The following CALN1 variants were observed in gnomAD, a reference collection of about 807,000 sequenced individuals.
The protein encoded by CALN1 is calcium-binding protein 8.
In CALN1, 17 loss-of-function variants were observed where a neutral mutation model predicts 30.6. The observed-to-expected ratio is 0.56, with a 90% CI of 0.38 to 0.83. The LOEUF (loss-of-function observed/expected upper bound fraction) is 0.83. Ranked by LOEUF, CALN1 falls within the 40% of genes least tolerant of loss-of-function variation. The probability of loss-of-function intolerance (pLI) is 0.00; values close to 1 mark genes in which losing one functional copy is unlikely to be tolerated. For synonymous variants in CALN1, 156 were observed against 131.4 expected (o/e 1.19, Z -1.28); for missense variants, 291 against 354.9 (o/e 0.82, Z 1.45).
intron 2 of CALN1, among the ~76,000 whole-genome samples, chr7:72,369,121 C>T (rs924639070): frequency 1.4e-4 from 21 of 151,348 alleles, no homozygotes; most frequent in African/African-American, 4.1e-4. Flanking sequence ...AGCCTGAAAA[C>T]TCATTTTAAA....
rs371259228 is a variant in CALN1, at chr7:72,187,413, G to A, written c.245-81119C>T. 4.6e-5 allele frequency among the ~76,000 whole-genome samples: 7 copies of A among 152,238 alleles called. No individual in the cohort carries two copies. The South Asian group carries it at 1.0e-3, about 23-fold the overall frequency. ...ACAGGTCCACAGCCTGTTAGGAACC[G>A]GGCCACACAGCAGGAGGTGAGGGAA... On this transcript the variant is annotated intron_variant, in intron 3 of 6. Transcript: ENST00000395275.
intron 5 of CALN1, among the ~76,000 whole-genome samples, chr7:71,828,908 C>A (rs964710614): frequency 2.6e-5 from 4 of 151,682 alleles, no homozygotes; most frequent in African/African-American, 9.7e-5. Context: ...ACCACCACAC[C>A]CAGCTAATTT....
chr7:72,429,116 T>G (rs1807892470), intron 1 of CALN1, among the ~76,000 whole-genome samples: 1 of 152,130 alleles, frequency 6.6e-6, no homozygotes, highest in South Asian at 2.1e-4. Flanking sequence ...ATTCATGAAG[T>G]CCAGGGTAGA....
chr7:71,913,889 C>T (rs1794555382), intron 5 of CALN1: 2 of 152,178 alleles, frequency 1.3e-5, no homozygotes, highest in Middle Eastern at 3.2e-3. Flanking sequence ...ATTATCCATT[C>T]GAGCTTCATC....
intron 5 of CALN1, among the ~76,000 whole-genome samples, chr7:71,973,048 A>G (rs1797926485): frequency 6.6e-6 from 1 of 152,212 alleles, no homozygotes; most frequent in Non-Finnish European, 1.5e-5. Context: ...TTTGAGGGCA[A>G]ACGCTGATCT....
intron 4 of CALN1, among the ~76,000 whole-genome samples, chr7:72,076,901 CTTTTA>C (rs1329630364): frequency 7.9e-5 from 12 of 151,910 alleles, no homozygotes; most frequent in African/African-American, 2.7e-4. Flanking sequence ...CTTTCTCTCT[CTTTTA>C]TTTATTTGTT....
At chr7:71,804,537 C>A (rs2116109851) in intron 6 of CALN1, among the ~76,000 whole-genome samples, 1 of 152,250 alleles carries the variant, frequency 6.6e-6, no homozygotes, top group Admixed American at 6.5e-5. Context: ...TAAATAAACT[C>A]ACTGGGTGCC....
the CALN1 span, among the ~76,000 whole-genome samples, chr7:72,473,496 G>A: frequency 1.3e-5 from 2 of 152,092 alleles, no homozygotes; most frequent in African/African-American, 4.8e-5. Flanking sequence ...CACCATCGAA[G>A]TATAATTTTC....
the CALN1 span, among the ~76,000 whole-genome samples, chr7:72,485,078 T>C: frequency 1.7e-3 from 252 of 151,922 alleles, 1 homozygote; most frequent in African/African-American, 5.6e-3. Context: ...CAGTCTCTAC[T>C]AAAAATACAA....
intron 1 of CALN1, among the ~76,000 whole-genome samples, chr7:72,421,672 C>T (rs530016246): frequency 1.6e-4 from 24 of 148,852 alleles, no homozygotes; most frequent in Middle Eastern, 3.5e-3. Flanking sequence ...CTACAACCTC[C>T]GCCTCACAGG....
At chr7:71,938,529 G>T (rs565423079) in intron 5 of CALN1, among the ~76,000 whole-genome samples, 1 of 152,216 alleles carries the variant, frequency 6.6e-6, no homozygotes, top group South Asian at 2.1e-4. Flanking sequence ...GGGCACGGTG[G>T]CTCATGCCTG....
chr7:72,297,200 G>GA (rs893480819), intron 2 of CALN1, among the ~76,000 whole-genome samples: 1 of 151,766 alleles, frequency 6.6e-6, no homozygotes, highest in Non-Finnish European at 1.5e-5. Context: ...GGAGCATTCA[G>GA]AAAAAAAGTT....
At chr7:71,887,071 G>A (rs1444194535) in intron 5 of CALN1, among the ~76,000 whole-genome samples, 3 of 152,082 alleles carry the variant, frequency 2.0e-5, no homozygotes, top group African/African-American at 7.2e-5. Context: ...TCTAAATAAT[G>A]TTGCAAATGT....
chr7:72,364,537 A>G (rs1346874497), intron 2 of CALN1, among the ~76,000 whole-genome samples: 2 of 152,234 alleles, frequency 1.3e-5, no homozygotes, highest in East Asian at 3.8e-4. Flanking sequence ...TTTAACTAAT[A>G]TAGCACAAAT....
At chr7:72,481,697 G>A in the CALN1 span, among the ~76,000 whole-genome samples, 6 of 152,028 alleles carry the variant, frequency 3.9e-5, no homozygotes, top group East Asian at 1.2e-3. Context: ...TTTCACTTTT[G>A]ATTTCTTCTT....
intron 5 of CALN1, among the ~76,000 whole-genome samples, chr7:71,949,044 TAA>T (rs34370568): frequency 0.29 from 19,467 of 66,690 alleles, 2,589 homozygotes; most frequent in Non-Finnish European, 0.36. Flanking sequence ...CTCTGTCTCT[TAA>T]AAAAAAAAAA....
chr7:72,236,080 A>C (rs201474626), intron 3 of CALN1, among the ~76,000 whole-genome samples: 2 of 14,030 alleles, frequency 1.4e-4, no homozygotes, highest in Non-Finnish European at 2.4e-4. Context: ...CATTCTCCAC[A>C]AAAAAAAAAA....
At chr7:72,179,534 A>T (rs1413739728) in intron 3 of CALN1, among the ~76,000 whole-genome samples, 1 of 152,210 alleles carries the variant, frequency 6.6e-6, no homozygotes, top group Non-Finnish European at 1.5e-5. Flanking sequence ...ACTTATCATC[A>T]TGAAAATTAA....
At chr7:72,154,010 T>C (rs1268849968) in intron 3 of CALN1, among the ~76,000 whole-genome samples, 3 of 152,158 alleles carry the variant, frequency 2.0e-5, no homozygotes, top group African/African-American at 7.2e-5. Flanking sequence ...GTAACTTCTC[T>C]GTGAATTGGA....
Sources: gnomAD v4.1 joint callset for allele counts (sites outside exome capture counted in the v4.1 genomes callset) on GRCh38, gnomAD v4.1.1 for gene constraint, MANE v1.5 for transcripts, NCBI Gene and HGNC (gene_info 2026-07-23, HGNC 2026-07-21) for gene names.